CNTNAP2: variants seen among roughly 807,000 people sequenced by gnomAD.
The protein encoded by CNTNAP2 is contactin associated protein 2.
A neutral mutation model predicts 155.2 loss-of-function variants in CNTNAP2; 98 were observed. The observed-to-expected ratio is 0.63, with a 90% confidence interval of 0.54 to 0.75. The LOEUF (loss-of-function observed/expected upper bound fraction) is 0.75, where lower values mean the gene tolerates loss of function less well. Ranked by LOEUF, CNTNAP2 falls within the 30% of genes least tolerant of loss-of-function variation. The pLI is 0.00. For missense variants in CNTNAP2, 1,727 were observed against 1,688.1 expected (o/e 1.02, Z -0.40); for synonymous variants, 651 against 631.2 (o/e 1.03, Z -0.47).
intron 1 of CNTNAP2, among the ~76,000 whole-genome samples, chr7:146,343,912 A>G (rs891070266): frequency 6.6e-6 from 1 of 152,110 alleles, no homozygotes; most frequent in Non-Finnish European, 1.5e-5. Context: ...AATAAATTGT[A>G]CAGTAATTTT....
intron 1 of CNTNAP2, among the ~76,000 whole-genome samples, chr7:146,533,676 T>A (rs1488343616): frequency 6.6e-6 from 1 of 152,126 alleles, no homozygotes. Flanking sequence ...CAGTTCATTT[T>A]CAGAGTCCTC....
At chr7:146,970,060 C>A (rs1354075545) in intron 3 of CNTNAP2, among the ~76,000 whole-genome samples, 1 of 152,130 alleles carries the variant, frequency 6.6e-6, no homozygotes, top group Non-Finnish European at 1.5e-5. Flanking sequence ...AAAATTAATT[C>A]AAGATGGATT....
At chr7:148,194,031 C>A (rs4236491) in intron 18 of CNTNAP2, among the ~76,000 whole-genome samples, 1 of 150,708 alleles carries the variant, frequency 6.6e-6, no homozygotes, top group East Asian at 2.0e-4. Context: ...AGTGCAGTGG[C>A]GCAATCAGGG....
chr7:146,309,513 A>C (rs1228722606), intron 1 of CNTNAP2, among the ~76,000 whole-genome samples: 5 of 152,102 alleles, frequency 3.3e-5, no homozygotes, highest in Non-Finnish European at 7.4e-5. Context: ...TTAAGAAAGG[A>C]GAAATAGGTG....
intron 1 of CNTNAP2, among the ~76,000 whole-genome samples, chr7:146,314,633 A>G (rs991005056): frequency 2.0e-5 from 3 of 152,092 alleles, no homozygotes; most frequent in Non-Finnish European, 4.4e-5. Context: ...GAGTTCTGTC[A>G]ACTCCCAGAG....
intron 13 of CNTNAP2, among the ~76,000 whole-genome samples, chr7:147,718,173 C>A (rs933748727): frequency 6.6e-6 from 1 of 151,880 alleles, no homozygotes; most frequent in African/African-American, 2.4e-5. Context: ...TTACTTTGAC[C>A]GTGGAAGCAC....
At chr7:146,368,042 G>A (rs1795179888) in intron 1 of CNTNAP2, among the ~76,000 whole-genome samples, 1 of 151,976 alleles carries the variant, frequency 6.6e-6, no homozygotes, top group African/African-American at 2.4e-5. Flanking sequence ...ATTCTCTCTT[G>A]CTTTGAGTTC....
At chr7:147,835,098 A>G (rs181294811) in intron 13 of CNTNAP2, among the ~76,000 whole-genome samples, 64 of 152,272 alleles carry the variant, frequency 4.2e-4, no homozygotes, top group Middle Eastern at 3.4e-3. Context: ...TTCATCTCCA[A>G]TGAAACATTC....
intron 1 of CNTNAP2, among the ~76,000 whole-genome samples, chr7:146,330,131 T>G (rs762556380): frequency 1.4e-5 from 2 of 145,090 alleles, no homozygotes; most frequent in African/African-American, 2.6e-5. Flanking sequence ...CAAGCAATTC[T>G]CCTGCCTCAG....
intron 8 of CNTNAP2, among the ~76,000 whole-genome samples, chr7:147,180,039 G>C (rs1393086925): frequency 6.6e-6 from 1 of 152,078 alleles, no homozygotes; most frequent in East Asian, 1.9e-4. Flanking sequence ...TTTTACGAAG[G>C]GTGACCTGTT....
intron 9 of CNTNAP2, among the ~76,000 whole-genome samples, chr7:147,368,096 T>TCACACACACACACACA (rs5888250): frequency 6.8e-5 from 8 of 117,096 alleles, no homozygotes; most frequent in African/African-American, 2.8e-4. Flanking sequence ...TCTCTCTCTG[T>TCACACACACACACACA]CACACACACA....
At chr7:147,788,385 G>A (rs918584388) in intron 13 of CNTNAP2, among the ~76,000 whole-genome samples, 2 of 152,166 alleles carry the variant, frequency 1.3e-5, no homozygotes, top group South Asian at 2.1e-4. Context: ...GCATAGTGGG[G>A]TGTGGCTTGA....
At chr7:146,971,377 A>T (rs1171265267) in intron 3 of CNTNAP2, among the ~76,000 whole-genome samples, 1 of 152,178 alleles carries the variant, frequency 6.6e-6, no homozygotes, top group Non-Finnish European at 1.5e-5. Context: ...TGAGGAAAAA[A>T]TAAAAAGGCA....
intron 1 of CNTNAP2, among the ~76,000 whole-genome samples, chr7:146,613,623 A>G (rs1799176301): frequency 6.6e-6 from 1 of 152,208 alleles, no homozygotes; most frequent in Admixed American, 6.5e-5. Flanking sequence ...TCTGTTCAAT[A>G]TGAGAACTAT....
At chr7:147,336,015 T>G (rs1795658934) in intron 9 of CNTNAP2, among the ~76,000 whole-genome samples, 1 of 152,206 alleles carries the variant, frequency 6.6e-6, no homozygotes, top group Non-Finnish European at 1.5e-5. Context: ...AGAGAGAATC[T>G]GACTGTGTAT....
chr7:148,096,656 G>A lies in CNTNAP2; in HGVS notation c.2384-21462G>A, dbSNP rs369476207. 9.2e-5 allele frequency among the ~76,000 whole-genome samples: 14 copies of A among 152,188 alleles called. 1 individual carries two copies. In the South Asian group the frequency reaches 2.1e-3, roughly 23 times the overall value. On this transcript the variant is annotated intron_variant, in intron 15 of 23. Coordinates refer to ENST00000361727, the MANE Select transcript of CNTNAP2 (RefSeq NM_014141.6). The stretch of plus-strand genomic sequence containing the variant: ...AAGGTCAGGGCTGCAAGAGACAGGA[G>A]AGCATCGAAACCAAACCCCACCTTC...
intron 3 of CNTNAP2, among the ~76,000 whole-genome samples, chr7:146,887,907 G>C (rs1477830870): frequency 6.6e-6 from 1 of 151,878 alleles, no homozygotes; most frequent in South Asian, 2.1e-4. Flanking sequence ...CTTATGTTAG[G>C]GTGTCCACTT....
chr7:147,940,303 T>TAAAAAAAAAAAAAAAAAAAAAAAA (rs59484615), intron 14 of CNTNAP2: 5 of 91,694 alleles, frequency 5.5e-5, no homozygotes, highest in African/African-American at 1.5e-4. Flanking sequence ...CCTGTCTCTT[T>TAAAAAAAAAAAAAAAAAAAAAAAA]AAAAAAAAAA....
Position 148,147,616 on chromosome 7 carries a change from G to T in CNTNAP2, c.2680G>T (p.Ala894Ser), listed in dbSNP as rs745557990. 1 of 1,614,084 alleles carries T rather than the reference G, an allele frequency of 6.2e-7. No individual in the cohort carries two copies. Among genetic ancestry groups the T allele is most frequent in the Admixed American group, 1.7e-5 (1 of 60,018 alleles). Residue 894 changes from alanine (A) to serine (S), a missense_variant, in exon 17 of 24, where the codon GCC becomes TCC. By Grantham distance (99) the Ala-to-Ser change is moderately conservative. Coordinates refer to ENST00000361727, the MANE Select transcript of CNTNAP2 (RefSeq NM_014141.6). Reference protein sequence around the residue: ...RVTAERNVKQASLQVDRLPQQ... With the variant: ...RVTAERNVKQSSLQVDRLPQQ... ...CACTGCAGAGAGGAATGTCAAGCAG[G>T]CCAGCCTACAGGTGGACCGGCTACC... is the stretch of plus-strand genomic sequence containing the variant.
Sources: gnomAD v4.1 joint callset for allele counts (sites outside exome capture counted in the v4.1 genomes callset) on GRCh38, gnomAD v4.1.1 for gene constraint, MANE v1.5 for transcripts, NCBI Gene and HGNC (gene_info 2026-07-23, HGNC 2026-07-21) for gene names.